Variants in PSPC1 observed in about 807,000 individuals in gnomAD.
The protein encoded by PSPC1 is paraspeckle component 1.
Under a neutral mutation model 51.6 loss-of-function variants are expected in PSPC1, and 14 were observed. The observed-to-expected ratio is 0.27, with a 90% CI of 0.18 to 0.42. The LOEUF is 0.42. PSPC1 is among the 10% of genes least tolerant of loss of function. The pLI, the probability that PSPC1 is intolerant of heterozygous loss-of-function variation, is 1.00. For missense variants in PSPC1, 406 were observed against 701.1 expected, an observed-to-expected ratio of 0.58 and a Z score of 4.75; for synonymous variants, 193 against 231.9, an observed-to-expected ratio of 0.83 and a Z score of 1.53.
At chr13:19,772,703 T>C (rs373071404) in intron 1 of PSPC1, among the ~76,000 whole-genome samples, 160 bp from the exon 2 acceptor site, 10 of 152,354 alleles carry the variant, frequency 6.6e-5, no homozygotes, top group African/African-American at 2.4e-4. Flanking sequence ...TTTTTAACTA[T>C]TCAATGATCA....
At chr13:19,731,173 T>C (rs1041587717) in intron 5 of PSPC1, among the ~76,000 whole-genome samples, 2 of 152,072 alleles carry the variant, frequency 1.3e-5, no homozygotes, top group African/African-American at 4.8e-5. Flanking sequence ...CTGAAGCAGG[T>C]GTCAGTCCAC....
intron 4 of PSPC1, among the ~76,000 whole-genome samples, chr13:19,750,136 T>C (rs991938743): frequency 1.4e-4 from 22 of 152,198 alleles, no homozygotes; most frequent in African/African-American, 5.3e-4. Context: ...CTAAGAAAAA[T>C]ACTGAATCTA....
chr13:19,751,408 G>C lies in PSPC1; in HGVS notation c.830C>G (p.Ser277Cys). ...QPGTFEFEYA[S>C]RWKALDEMEK... ...CATTTCATCAAGAGCCTTCCATCGA[G>C]ATGCATACTCAAATTCAAATGTCCC... Residue 277 changes from serine (S) to cysteine (C), a missense_variant, in exon 4 of 9, where the codon TCT becomes TGT. By Grantham distance (112) the Ser-to-Cys change is moderately radical. Around this residue, in one of 5 missense-constraint regions of PSPC1, gnomAD observed 180 missense variants for 337.9 expected, o/e 0.53. Coordinates refer to ENST00000338910, the MANE Select transcript of PSPC1 (RefSeq NM_001354909.2). 1 of 1,588,036 alleles carries C rather than the reference G, an allele frequency of 6.3e-7. No individual in the cohort carries two copies. The highest frequency in any genetic ancestry group is 8.5e-7 in the Non-Finnish European group (1 of 1,171,094).
At chr13:19,780,206 C>G (rs1321688507) in intron 1 of PSPC1, among the ~76,000 whole-genome samples, 6 of 139,920 alleles carry the variant, frequency 4.3e-5, no homozygotes, top group African/African-American at 1.3e-4. Flanking sequence ...AGCCCCCCCG[C>G]CCGGCCAGCC....
chr13:19,725,794 T>G (rs1318802314), intron 6 of PSPC1, among the ~76,000 whole-genome samples: 1 of 152,146 alleles, frequency 6.6e-6, no homozygotes, highest in Admixed American at 6.6e-5. Flanking sequence ...AAAGCCCAAA[T>G]CAAGGTTGCC....
chr13:19,775,371 A>G (rs1029271018), intron 1 of PSPC1, among the ~76,000 whole-genome samples: 3 of 152,088 alleles, frequency 2.0e-5, no homozygotes, highest in Non-Finnish European at 4.4e-5. Flanking sequence ...AATAGACAAA[A>G]AAAAAAAATA....
chr13:19,771,134 T>C (rs577496404), intron 2 of PSPC1, among the ~76,000 whole-genome samples: 90 of 151,884 alleles, frequency 5.9e-4, no homozygotes, highest in African/African-American at 2.0e-3. Flanking sequence ...TTTATGTTGT[T>C]GTTGTTTTTG....
chr13:19,695,126 A>C (rs1359835682), intron 6 of PSPC1, among the ~76,000 whole-genome samples: 1 of 152,232 alleles, frequency 6.6e-6, no homozygotes, highest in Non-Finnish European at 1.5e-5. Context: ...ACAGAAAAGA[A>C]ATAGAAACTG....
chr13:19,708,857 C>T (rs1242970194), intron 7 of PSPC1, among the ~76,000 whole-genome samples: 2 of 152,190 alleles, frequency 1.3e-5, no homozygotes, highest in Non-Finnish European at 2.9e-5. Flanking sequence ...AACTCGGAAA[C>T]TATCAATTTC....
At chr13:19,775,009 T>C (rs1432603108) in intron 1 of PSPC1, among the ~76,000 whole-genome samples, 1 of 151,712 alleles carries the variant, frequency 6.6e-6, no homozygotes, top group African/African-American at 2.4e-5. Context: ...ACCTCTTCTT[T>C]ATTCCTTTAA....
intron 6 of PSPC1, among the ~76,000 whole-genome samples, chr13:19,713,545 C>CAA (rs61024238): frequency 0.65 from 56,376 of 87,034 alleles, 20,207 homozygotes; most frequent in East Asian, 0.79. Context: ...CCCAGACAGC[C>CAA]AAAAAAAAAA....
downstream of PSPC1, chr13:19,672,972 C>G (rs1876220658): frequency 2.5e-6 from 1 of 404,502 alleles, no homozygotes; most frequent in Non-Finnish European, 4.8e-6. Flanking sequence ...GAAAGGATTG[C>G]TTGAGCCAGG....
intron 4 of PSPC1, 93 bp downstream of exon 4, chr13:19,751,153 GAGTTCCAACTTTACCTCTAAACTCC>G: frequency 1.4e-6 from 1 of 691,970 alleles, no homozygotes; most frequent in Non-Finnish European, 2.2e-6. Flanking sequence ...CTAATATGTT[GAGTTCCAACTTTACCTCTAAACTCC>G]TAAATGGCAC....
At chr13:19,675,668 G>A (rs1438728900) in intron 7 of PSPC1, 3 of 152,188 alleles carry the variant, frequency 2.0e-5, no homozygotes, top group Non-Finnish European at 4.4e-5. Flanking sequence ...AAAAGAGACA[G>A]AGTCTTCACT....
intron 2 of PSPC1, among the ~76,000 whole-genome samples, chr13:19,762,324 G>A (rs1230537978): frequency 3.3e-5 from 5 of 152,066 alleles, no homozygotes; most frequent in East Asian, 1.9e-4. Context: ...TTGGGAGGCC[G>A]AGGTGCGTGG....
At chr13:19,712,834 GAA>G (rs1469798926) in intron 6 of PSPC1, among the ~76,000 whole-genome samples, 1 of 151,876 alleles carries the variant, frequency 6.6e-6, no homozygotes, top group African/African-American at 2.4e-5. Flanking sequence ...TTGCTCTTAA[GAA>G]AAAAGAGTAT....
intron 2 of PSPC1, among the ~76,000 whole-genome samples, chr13:19,764,594 G>A (rs1887882357): frequency 6.9e-6 from 1 of 145,058 alleles, no homozygotes; most frequent in South Asian, 2.2e-4. Context: ...ACTGAAGTGG[G>A]AGGATCATTT....
At chr13:19,689,400 G>A (rs2151453) in intron 6 of PSPC1, among the ~76,000 whole-genome samples, 1 of 152,068 alleles carries the variant, frequency 6.6e-6, no homozygotes, top group Non-Finnish European at 1.5e-5. Flanking sequence ...TAGCTATATA[G>A]AAAAAAATGA....
chr13:19,697,271 C>G lies in PSPC1; in HGVS notation c.1159-19448G>C, dbSNP rs568193908. ...CCACTCTGGAATAAAGTCCAGAGATCTGTGTTTTAATGAGCCTCCCAGGTG... is the reference window on the plus strand; with the variant it reads ...CCACTCTGGAATAAAGTCCAGAGATGTGTGTTTTAATGAGCCTCCCAGGTG... On this transcript the variant is annotated intron_variant and NMD_transcript_variant, in intron 6 of 7. Transcript: ENST00000471658. Among the ~76,000 whole-genome samples the G allele has an allele frequency of 1.4e-3, 208 of 152,280 alleles. 1 individual carries two copies. The highest frequency in any genetic ancestry group is 4.8e-3 in the African/African-American group (201 of 41,562).
Sources: allele counts gnomAD v4.1 joint callset (sites outside exome capture counted in the v4.1 genomes callset), GRCh38; gene constraint gnomAD v4.1.1; regional missense constraint gnomAD v4.1.1; transcripts MANE v1.5; gene names NCBI Gene and HGNC (gene_info 2026-07-23, HGNC 2026-07-21).